The following B3GALT1 variants were observed in gnomAD, a reference collection of about 807,000 sequenced individuals.
The protein encoded by B3GALT1 is UDP-Gal:betaGlcNAc beta 1,3-galactosyltransferase, polypeptide 1.
In B3GALT1, 10 loss-of-function variants were observed where a neutral mutation model predicts 23.2. That is an observed-to-expected ratio of 0.43 (90% confidence interval 0.27 to 0.73). B3GALT1 has a LOEUF of 0.73. B3GALT1 is among the 30% of genes least tolerant of loss of function. B3GALT1 has a pLI of 0.21. For synonymous variants in B3GALT1, 156 were observed against 141.5 expected (o/e 1.10, Z -0.73); for missense variants, 299 against 405.4 (o/e 0.74, Z 2.25).
chr2:167,492,882 T>TGTGC (rs1699730606), intron 2 of B3GALT1, among the ~76,000 whole-genome samples: 1 of 151,376 alleles, frequency 6.6e-6, no homozygotes, highest in Non-Finnish European at 1.5e-5. Context: ...TAGAGATGTG[T>TGTGC]GTGTGTGTGT....
chr2:167,726,143 T>C (rs896804415), intron 3 of B3GALT1, among the ~76,000 whole-genome samples: 11 of 152,172 alleles, frequency 7.2e-5, no homozygotes, highest in South Asian at 4.1e-4. Flanking sequence ...ATGGAACTTA[T>C]CTAAGGGACT....
rs184228336 is a variant in B3GALT1, at chr2:167,835,863, G to A, written c.-230+17070G>A. ...GGAACGATCAGACAGCAGCGTTCAC[G>A]GTTCACGAAAAACCACTGTTCTGCA... is the stretch of plus-strand genomic sequence containing the variant. On this transcript the variant is annotated intron_variant, in intron 4 of 4. Coordinates refer to ENST00000392690, the MANE Select transcript of B3GALT1 (RefSeq NM_020981.4). 1.6e-3 allele frequency among the ~76,000 whole-genome samples: 237 copies of A among 152,292 alleles called. 1 individual carries two copies. The highest frequency in any genetic ancestry group is 2.1e-3 in the Non-Finnish European group (142 of 68,010).
At chr2:167,559,708 A>T (rs954385859) in intron 2 of B3GALT1, among the ~76,000 whole-genome samples, 1 of 152,238 alleles carries the variant, frequency 6.6e-6, no homozygotes, top group Admixed American at 6.5e-5. Flanking sequence ...GGTATCAGTG[A>T]TGGAAGACGA....
intron 3 of B3GALT1, among the ~76,000 whole-genome samples, chr2:167,695,981 T>A (rs1686786155): frequency 6.6e-6 from 1 of 152,052 alleles, no homozygotes; most frequent in Non-Finnish European, 1.5e-5. Flanking sequence ...ATCCCTTAGG[T>A]CATATTTCAC....
At chr2:167,726,196 C>T (rs1687311797) in intron 3 of B3GALT1, among the ~76,000 whole-genome samples, 1 of 152,148 alleles carries the variant, frequency 6.6e-6, no homozygotes, top group South Asian at 2.1e-4. Flanking sequence ...TGCCCTGCTT[C>T]CAAGTATTTC....
intron 3 of B3GALT1, among the ~76,000 whole-genome samples, chr2:167,757,177 G>C (rs531264533): frequency 3.9e-5 from 6 of 152,254 alleles, no homozygotes; most frequent in African/African-American, 1.4e-4. Context: ...CATTCACCAG[G>C]TGTAAGCAGT....
At chr2:167,633,117 G>A (rs1281581905) in intron 2 of B3GALT1, among the ~76,000 whole-genome samples, 1 of 151,870 alleles carries the variant, frequency 6.6e-6, no homozygotes, top group Non-Finnish European at 1.5e-5. Context: ...CAGTGTTCAG[G>A]ATATTATCCA....
intron 1 of B3GALT1, among the ~76,000 whole-genome samples, chr2:167,351,183 C>T (rs1318380793): frequency 1.3e-5 from 2 of 150,770 alleles, no homozygotes; most frequent in Non-Finnish European, 2.9e-5. Context: ...GCGGGAGAAT[C>T]GCTTGAACCT....
chr2:167,482,505 G>T (rs1699574245), intron 1 of B3GALT1, among the ~76,000 whole-genome samples: 1 of 152,118 alleles, frequency 6.6e-6, no homozygotes, highest in Admixed American at 6.5e-5. Flanking sequence ...CCAGGCCATT[G>T]TTTCTCAAAC....
At chr2:167,357,274 T>C (rs1156891797) in intron 1 of B3GALT1, among the ~76,000 whole-genome samples, 1 of 152,108 alleles carries the variant, frequency 6.6e-6, no homozygotes, top group Admixed American at 6.6e-5. Context: ...AAAAATGTTT[T>C]CGAAGTAGAA....
chr2:167,640,450 C>T (rs1226902), intron 2 of B3GALT1, among the ~76,000 whole-genome samples: 35,284 of 151,668 alleles, frequency 0.23, 4,191 homozygotes, highest in South Asian at 0.27. Context: ...TTTTCTCTTA[C>T]GGCTTTTATT....
intron 3 of B3GALT1, among the ~76,000 whole-genome samples, chr2:167,649,342 T>C (rs1685817562): frequency 6.6e-6 from 1 of 152,230 alleles, no homozygotes; most frequent in Middle Eastern, 3.4e-3. Flanking sequence ...TTTTAAAGTG[T>C]ATAATTTAGT....
intron 2 of B3GALT1, among the ~76,000 whole-genome samples, chr2:167,571,559 G>C (rs1188767448): frequency 6.6e-6 from 1 of 151,866 alleles, no homozygotes; most frequent in Non-Finnish European, 1.5e-5. Flanking sequence ...ACCTCACACA[G>C]AGGGGTGCTG....
chr2:167,656,100 A>G (rs751910612), intron 3 of B3GALT1, among the ~76,000 whole-genome samples: 5 of 152,126 alleles, frequency 3.3e-5, no homozygotes, highest in Admixed American at 2.6e-4. Context: ...TTCCCATCCC[A>G]TAGACATTTT....
chr2:167,621,091 T>TTC (rs1379076758), intron 2 of B3GALT1, among the ~76,000 whole-genome samples: 1,694 of 145,070 alleles, frequency 0.012, 18 homozygotes, highest in South Asian at 0.042. Flanking sequence ...TTTCAGTTCT[T>TTC]TTTTTTTTTT....
chr2:167,531,282 A>T (rs1683322031), intron 2 of B3GALT1, among the ~76,000 whole-genome samples: 1 of 152,078 alleles, frequency 6.6e-6, no homozygotes, highest in African/African-American at 2.4e-5. Context: ...GTGAGGGTGG[A>T]TTGGGGTGGA....
At chr2:167,710,880 G>A (rs72876826) in intron 3 of B3GALT1, among the ~76,000 whole-genome samples, 1 of 152,166 alleles carries the variant, frequency 6.6e-6, no homozygotes, top group Non-Finnish European at 1.5e-5. Context: ...GCCCGTAGCT[G>A]GTCTCTTTGC....
chr2:167,713,925 T>TTC, intron 3 of B3GALT1: 1 of 1,576,308 alleles, frequency 6.3e-7, no homozygotes. Flanking sequence ...GGAGGTCCTC[T>TTC]TCTCGTGAAC....
At chr2:167,632,767 G>C (rs1299744714) in intron 2 of B3GALT1, among the ~76,000 whole-genome samples, 1 of 151,942 alleles carries the variant, frequency 6.6e-6, no homozygotes, top group Non-Finnish European at 1.5e-5. Flanking sequence ...TCTGATGATA[G>C]TTTCTTTTGC....
Sources: gnomAD v4.1 joint callset for allele counts (sites outside exome capture counted in the v4.1 genomes callset) on GRCh38, gnomAD v4.1.1 for gene constraint, MANE v1.5 for transcripts, NCBI Gene and HGNC (gene_info 2026-07-23, HGNC 2026-07-21) for gene names.